CELF2: variants seen among roughly 807,000 people sequenced by gnomAD.
The protein encoded by CELF2 is CUGBP Elav-like family member 2, also known as CUG triplet repeat RNA-binding protein 2.
CELF2 carries 8 observed loss-of-function variants against 62.6 expected under a neutral mutation model. That is an observed-to-expected ratio of 0.13 (90% CI 0.07 to 0.23). The LOEUF is 0.23. Ranked by LOEUF, CELF2 falls within the 10% of genes least tolerant of loss-of-function variation. The pLI is 1.00. For missense variants in CELF2, 333 were observed against 671.0 expected, an observed-to-expected ratio of 0.50 and a Z score of 5.56; for synonymous variants, 258 against 250.0, an observed-to-expected ratio of 1.03 and a Z score of -0.30.
intron 2 of CELF2, among the ~76,000 whole-genome samples, chr10:10,978,724 G>A (rs769981565): frequency 4.6e-5 from 7 of 152,166 alleles, no homozygotes; most frequent in Non-Finnish European, 7.3e-5. Flanking sequence ...AACCACTACC[G>A]ATTATATGGT....
At chr10:10,638,056 A>G in the CELF2 span, among the ~76,000 whole-genome samples, 3 of 152,316 alleles carry the variant, frequency 2.0e-5, no homozygotes, top group East Asian at 5.8e-4. Flanking sequence ...AATTGGGGAT[A>G]CTGATGTGGA....
chr10:11,174,072 T>C (rs1415554576), intron 2 of CELF2, among the ~76,000 whole-genome samples: 2 of 152,128 alleles, frequency 1.3e-5, no homozygotes, highest in Admixed American at 6.5e-5. Context: ...ACTAAGGAAA[T>C]TTGTAGTGAA....
At chr10:11,009,013 G>T (rs918838776) in intron 1 of CELF2, among the ~76,000 whole-genome samples, 9 of 143,604 alleles carry the variant, frequency 6.3e-5, no homozygotes, top group East Asian at 2.2e-4. Context: ...TGCGGGGGGG[G>T]GGGGGGAGCA....
rs548573621 is a variant in CELF2 at position 10,854,885 on chromosome 10, G to A, written c.53+56068G>A. On this transcript the variant is annotated intron_variant, in intron 1 of 13. Transcript: ENST00000636488. ...ATACCAGGATTGAATCCACCCAAGC[G>A]GGCAGAAAGTGGGCTCCAGGGGAGG... Among the ~76,000 whole-genome samples, 15 of 151,648 alleles carry A rather than the reference G, an allele frequency of 9.9e-5. 1 individual carries two copies. The highest frequency in any genetic ancestry group is 2.2e-4 in the African/African-American group (9 of 41,300).
chr10:10,865,911 G>A (rs1185344534), intron 1 of CELF2, among the ~76,000 whole-genome samples: 1 of 152,070 alleles, frequency 6.6e-6, no homozygotes, highest in African/African-American at 2.4e-5. Flanking sequence ...AATTGGAGAG[G>A]TTAAATAATT....
At chr10:10,877,173 A>G (rs987009814) in intron 1 of CELF2, among the ~76,000 whole-genome samples, 1 of 152,216 alleles carries the variant, frequency 6.6e-6, no homozygotes, top group Admixed American at 6.5e-5. Flanking sequence ...CAACTTAATC[A>G]TCAGGGCAGT....
intron 2 of CELF2, among the ~76,000 whole-genome samples, chr10:11,210,021 A>G (rs2061423438): frequency 6.6e-6 from 1 of 152,150 alleles, no homozygotes; most frequent in African/African-American, 2.4e-5. Flanking sequence ...AAAAAAAAAT[A>G]GCGGGTTCAC....
chr10:10,667,501 A>G, the CELF2 span, among the ~76,000 whole-genome samples: 1 of 152,238 alleles, frequency 6.6e-6, no homozygotes, highest in Non-Finnish European at 1.5e-5. Flanking sequence ...GATCACGACT[A>G]TAAATCAGTG....
At chr10:10,722,496 A>C in the CELF2 span, among the ~76,000 whole-genome samples, 1 of 144,526 alleles carries the variant, frequency 6.9e-6, no homozygotes. Flanking sequence ...AGTCTCCTTA[A>C]AGCCTGAATT....
chr10:10,731,528 ACTT>A, the CELF2 span, among the ~76,000 whole-genome samples: 1 of 152,188 alleles, frequency 6.6e-6, no homozygotes, highest in Non-Finnish European at 1.5e-5. Flanking sequence ...TAGATAGAAA[ACTT>A]CTCCAGCATC....
chr10:10,919,428 A>G (rs1487425462), intron 1 of CELF2, among the ~76,000 whole-genome samples: 2 of 152,214 alleles, frequency 1.3e-5, no homozygotes, highest in South Asian at 2.1e-4. Context: ...TCTACCTTCA[A>G]CAGTCCTAAA....
intron 1 of CELF2, among the ~76,000 whole-genome samples, chr10:11,097,019 G>A (rs555363826): frequency 6.6e-6 from 1 of 152,176 alleles, no homozygotes; most frequent in South Asian, 2.1e-4. Context: ...AAAACAATAG[G>A]AAACGAAGAG....
intron 2 of CELF2, among the ~76,000 whole-genome samples, chr10:10,927,571 G>A (rs2065651726): frequency 6.6e-6 from 1 of 152,012 alleles, no homozygotes; most frequent in Non-Finnish European, 1.5e-5. Flanking sequence ...GGGACTACAG[G>A]TGTACATCAG....
At chr10:11,253,901 T>C (rs2077893998) in intron 4 of CELF2, among the ~76,000 whole-genome samples, 1 of 152,228 alleles carries the variant, frequency 6.6e-6, no homozygotes, top group South Asian at 2.1e-4. Context: ...CTTTTACCCT[T>C]CAAGTGTTTT....
the CELF2 span, among the ~76,000 whole-genome samples, chr10:10,496,439 A>G: frequency 6.6e-6 from 1 of 152,076 alleles, no homozygotes; most frequent in East Asian, 1.9e-4. Context: ...AAGTCTTCTG[A>G]TTGCTTTTAA....
chr10:10,630,346 C>T, the CELF2 span, among the ~76,000 whole-genome samples: 1 of 152,182 alleles, frequency 6.6e-6, no homozygotes, highest in Admixed American at 6.5e-5. Context: ...TTCTTTTCTT[C>T]ATTGGGGGTT....
the CELF2 span, among the ~76,000 whole-genome samples, chr10:10,647,331 T>C: frequency 6.6e-6 from 1 of 152,142 alleles, no homozygotes; most frequent in Non-Finnish European, 1.5e-5. Flanking sequence ...GCCCGCCCGC[T>C]CCACATGTGG....
the CELF2 span, among the ~76,000 whole-genome samples, chr10:10,630,614 C>T: frequency 2.6e-5 from 4 of 152,094 alleles, no homozygotes; most frequent in African/African-American, 7.2e-5. Context: ...TAAACCAACA[C>T]CTCATAAAAT....
chr10:10,894,808 T>C (rs567185699), intron 1 of CELF2, among the ~76,000 whole-genome samples: 1 of 152,364 alleles, frequency 6.6e-6, no homozygotes, highest in African/African-American at 2.4e-5. Flanking sequence ...ACTCTGTTGA[T>C]GGGCACACCG....
Sources: gnomAD v4.1 joint callset for allele counts (sites outside exome capture counted in the v4.1 genomes callset) on GRCh38, gnomAD v4.1.1 for gene constraint, MANE v1.5 for transcripts, NCBI Gene and HGNC (gene_info 2026-07-23, HGNC 2026-07-21) for gene names.